Variants in USP20 observed in about 807,000 individuals in gnomAD.
USP20 encodes the protein ubiquitin specific peptidase 20.
Under a neutral mutation model 124.2 loss-of-function variants are expected in USP20, and 80 were observed. That is an observed-to-expected ratio of 0.64 (90% CI 0.54 to 0.78). The LOEUF (loss-of-function observed/expected upper bound fraction) is 0.78, where lower values mean the gene tolerates loss of function less well. Ranked by LOEUF, USP20 falls within the 30% of genes least tolerant of loss-of-function variation. The pLI, the probability that USP20 is intolerant of heterozygous loss-of-function variation, is 0.00. For synonymous variants in USP20, 481 were observed against 512.3 expected, an observed-to-expected ratio of 0.94 and a Z score of 0.83; for missense variants, 1,043 against 1,244.4, an observed-to-expected ratio of 0.84 and a Z score of 2.44.
chr9:129,880,030 C>A, intron 24 of USP20, 83 bp from the exon 25 acceptor site: 1 of 1,526,352 alleles, frequency 6.6e-7, no homozygotes, highest in Non-Finnish European at 8.9e-7. Flanking sequence ...CGGGGCCTGG[C>A]CCTGCGGAGC....
At chr9:129,858,145 A>G (rs771870187) in intron 5 of USP20, 33 bp downstream of exon 5, 3 of 1,609,194 alleles carry the variant, frequency 1.9e-6, no homozygotes, top group Admixed American at 1.7e-5. Flanking sequence ...TGGGCCCTGC[A>G]GTTAGATGGC....
intron 15 of USP20, among the ~76,000 whole-genome samples, chr9:129,872,013 G>A (rs1215862970): frequency 6.6e-6 from 1 of 152,052 alleles, no homozygotes; most frequent in Non-Finnish European, 1.5e-5. Flanking sequence ...ACCGCACCCA[G>A]CCTCGTTGTG....
chr9:129,856,895 G>A (rs901794387), intron 4 of USP20, among the ~76,000 whole-genome samples: 15 of 152,118 alleles, frequency 9.9e-5, no homozygotes, highest in Non-Finnish European at 2.1e-4. Context: ...GTGATTACTG[G>A]TTACTAAAAA....
chr9:129,843,445 A>G (rs1373792417), intron 1 of USP20, among the ~76,000 whole-genome samples: 1 of 151,956 alleles, frequency 6.6e-6, no homozygotes. Context: ...CGACAACAAC[A>G]AAAAGACAGT....
chr9:129,863,477 A>T (rs2033656015), intron 9 of USP20, among the ~76,000 whole-genome samples, 178 bp downstream of exon 9: 1 of 152,204 alleles, frequency 6.6e-6, no homozygotes, highest in East Asian at 1.9e-4. Context: ...TGTTTTACAA[A>T]TAGGGAAACT....
rs2034609823 is a variant in USP20 at position 129,880,846 on chromosome 9, C to T, written c.*396C>T. 6.5e-6 allele frequency: 1 copy of T among 154,340 alleles called. No individual in the cohort carries two copies. The highest frequency in any genetic ancestry group is 1.4e-5 in the Non-Finnish European group (1 of 69,218). 9.6% of individuals were successfully genotyped at this position (154,340 alleles called of 1,614,324 possible). Reference sequence around the variant, plus strand: ...TGCGATTGGCCCGGAGCCCCGAAGACTCGGAGGGAGCTGCTCAGGGCCGGT... The same window carrying T: ...TGCGATTGGCCCGGAGCCCCGAAGATTCGGAGGGAGCTGCTCAGGGCCGGT... On this transcript the variant is annotated 3_prime_UTR_variant, in exon 26 of 26. Transcript: ENST00000372429.
In USP20 at chr9:129,874,609, G is replaced by A. The variant is rs1207773082; in HGVS notation, c.1774G>A (p.Glu592Lys). 3 of 1,613,796 alleles carry A rather than the reference G, an allele frequency of 1.9e-6. No individual in the cohort carries two copies. Among genetic ancestry groups the A allele is most frequent in the Non-Finnish European group, 1.7e-6 (2 of 1,180,004 alleles). Residue 592 changes from glutamate (E) to lysine (K), a missense_variant, in exon 18 of 26, where the codon GAG (glutamate) becomes AAG (lysine). Transcript: ENST00000372429. ...LCIHLKRFRH[E>K]VMYSFKINSH... ...CATTCACCTAAAGCGCTTTCGGCAC[G>A]AGGTGATGTACTCATTCAAGATCAA...
At chr9:129,846,245 ATATTTTTT>A (rs2032550361) in intron 1 of USP20, among the ~76,000 whole-genome samples, 1 of 43,378 alleles carries the variant, frequency 2.3e-5, no homozygotes, top group Non-Finnish European at 4.1e-5. Flanking sequence ...ATATATATAT[ATATTTTTT>A]TTTTTTTTTT....
chr9:129,845,421 TG>T (rs1371339829), intron 1 of USP20, among the ~76,000 whole-genome samples: 41 of 152,350 alleles, frequency 2.7e-4, no homozygotes, highest in African/African-American at 9.6e-4. Context: ...GGTTTGTTTT[TG>T]TTTTTAGGAG....
intron 2 of USP20, 119 bp from the exon 3 acceptor site, chr9:129,852,421 C>A: frequency 1.3e-6 from 1 of 762,626 alleles, no homozygotes; most frequent in Non-Finnish European, 2.2e-6. Context: ...CCCTGCGTTA[C>A]CAGCTGGTTT....
chr9:129,843,420 ACT>A (rs773048700), intron 1 of USP20, among the ~76,000 whole-genome samples: 7 of 151,326 alleles, frequency 4.6e-5, no homozygotes, highest in Non-Finnish European at 7.4e-5. Flanking sequence ...ACAGACTAAG[ACT>A]CTGTCTCAAC....
chr9:129,849,495 AC>A (rs1378884204), intron 1 of USP20, among the ~76,000 whole-genome samples: 3 of 152,326 alleles, frequency 2.0e-5, no homozygotes, highest in Non-Finnish European at 2.9e-5. Flanking sequence ...ACAGTGGCTC[AC>A]GCCTATAATC....
chr9:129,851,776 A>G (rs2032931546), intron 2 of USP20, among the ~76,000 whole-genome samples: 1 of 150,926 alleles, frequency 6.6e-6, no homozygotes, highest in South Asian at 2.1e-4. Flanking sequence ...TTTATAATGA[A>G]CGTGTATCAG....
At chr9:129,869,215 T>C in intron 12 of USP20, 95 bp from the exon 13 acceptor site, 2 of 1,368,270 alleles carry the variant, frequency 1.5e-6, no homozygotes, top group Non-Finnish European at 2.1e-6. Context: ...GACTCACGGA[T>C]GTCACTCCAC....
At chr9:129,876,078 C>T (rs2034391282) in intron 21 of USP20, 52 bp from the exon 22 acceptor site, 5 of 1,511,712 alleles carry the variant, frequency 3.3e-6, no homozygotes, top group Admixed American at 1.8e-5. Context: ...ATCACTCTCC[C>T]CTCCCTGGTA....
chr9:129,847,233 C>G (rs1028008647), intron 1 of USP20, among the ~76,000 whole-genome samples: 1 of 151,986 alleles, frequency 6.6e-6, no homozygotes, highest in African/African-American at 2.4e-5. Context: ...GCAGCTGCAC[C>G]ATTTCACATT....
At chr9:129,870,305 T>A in intron 14 of USP20, 148 bp from the exon 15 acceptor site, 1 of 757,910 alleles carries the variant, frequency 1.3e-6, no homozygotes, top group Non-Finnish European at 2.2e-6. Context: ...GCTCCAGGCC[T>A]CTGCCCCGAC....
rs946251461 is a variant in USP20, at chr9:129,866,712, G to A, written c.691-1293G>A. On this transcript the variant is annotated intron_variant, in intron 10 of 25. Transcript: ENST00000372429. ...ACACTTCTGAGGCTGAACTGTAGACGCAGCTGCGGGCGCCTCTTAAGGGCC... is the reference window on the plus strand; with the variant it reads ...ACACTTCTGAGGCTGAACTGTAGACACAGCTGCGGGCGCCTCTTAAGGGCC... 5.8e-4 allele frequency among the ~76,000 whole-genome samples: 89 copies of A among 152,216 alleles called. 5 individuals are homozygous for A. Among genetic ancestry groups the A allele is most frequent in the Non-Finnish European group, 8.8e-5 (6 of 68,042 alleles).
intron 12 of USP20, 66 bp downstream of exon 12, chr9:129,869,068 T>C: frequency 6.6e-7 from 1 of 1,518,136 alleles, no homozygotes; most frequent in East Asian, 2.3e-5. Context: ...CGTAGCTGCC[T>C]TTCTCATGGC....
Sources: gnomAD v4.1 joint callset for allele counts (sites outside exome capture counted in the v4.1 genomes callset) on GRCh38, gnomAD v4.1.1 for gene constraint, MANE v1.5 for transcripts, NCBI Gene and HGNC (gene_info 2026-07-23, HGNC 2026-07-21) for gene names.